DOT1L: variants seen among roughly 807,000 people sequenced by gnomAD.
DOT1L encodes histone-lysine N-methyltransferase, H3 lysine-79 specific.
In DOT1L, 33 loss-of-function variants were observed where a neutral mutation model predicts 153.3. That is an observed-to-expected ratio of 0.22 (90% CI 0.16 to 0.29). DOT1L has a LOEUF of 0.29. Ranked by LOEUF, DOT1L falls within the 10% of genes least tolerant of loss-of-function variation. DOT1L has a pLI of 1.00. For synonymous variants in DOT1L, 1,135 were observed against 965.1 expected (o/e 1.18, Z -3.26); for missense variants, 1,847 against 2,119.9 (o/e 0.87, Z 2.53).
chr19:2,230,890 C>T lies in DOT1L; in HGVS notation c.*1098C>T, dbSNP rs552038632. ...CCCACATCCCTTCCTGTCAGGGCCA[C>T]GCCTGGCACCCATCCCTTGGAGCCT... On this transcript the variant is annotated 3_prime_UTR_variant, in exon 28 of 28. Coordinates refer to ENST00000398665, the MANE Select transcript of DOT1L (RefSeq NM_032482.3). 432 of 313,112 alleles carry T rather than the reference C, an allele frequency of 1.4e-3. 2 individuals carry two copies. The highest frequency in any genetic ancestry group is 1.8e-3 in the Non-Finnish European group (306 of 172,004). 19.4% of individuals were successfully genotyped at this position (313,112 alleles called of 1,614,324 possible).
At chr19:2,225,580 T>G in intron 26 of DOT1L, 128 bp downstream of exon 26, 1 of 1,048,240 alleles carries the variant, frequency 9.5e-7, no homozygotes, top group Non-Finnish European at 1.5e-6. Flanking sequence ...CTGCGTCGTG[T>G]CCTGCGTGGT....
Position 2,220,028 on chromosome 19 carries a change from CAA to C in DOT1L, c.2692-79_2692-78del. The C allele has an allele frequency of 1.5e-6, 2 of 1,356,450 alleles. No homozygotes were observed. Among genetic ancestry groups the C allele is most frequent in the Non-Finnish European group, 2.0e-6 (2 of 983,070 alleles). The allele number at this position is 1,356,450 out of a possible 1,614,324, so 84.0% of individuals were successfully genotyped here. On this transcript the variant is annotated intron_variant, in intron 22 of 27. Coordinates refer to ENST00000398665, the MANE Select transcript of DOT1L (RefSeq NM_032482.3). The surrounding 1 kb of genome is among the most constrained non-coding windows in gnomAD (Gnocchi z 4.5). ...GCCTCCCCCAGCCAGCTGCAGGCCT[CAA>C]CACTCACTGTTTCCAGCTGGGTTCT... is the stretch of plus-strand genomic sequence containing the variant.
chr19:2,198,754 C>A (rs1398211892), intron 7 of DOT1L, among the ~76,000 whole-genome samples: 1 of 152,234 alleles, frequency 6.6e-6, no homozygotes, highest in Non-Finnish European at 1.5e-5. Context: ...AATCCCCTTC[C>A]TGTCTCTGGA....
Position 2,207,537 on chromosome 19 carries a change from C to A in DOT1L, c.857-37C>A. 1.3e-6 allele frequency: 2 copies of A among 1,571,928 alleles called. No homozygotes were observed. Among genetic ancestry groups the A allele is most frequent in the African/African-American group, 1.3e-5 (1 of 74,212 alleles). On this transcript the variant is annotated intron_variant, in intron 10 of 27. Transcript: ENST00000398665. This position sits in a 1 kb window ranked among gnomAD's most constrained non-coding sequence, Gnocchi z 4.5. Reference sequence around the variant, plus strand: ...GAGGTCTGCATGGAGGGGCTGTGGGCAGGCGCAGGCCCCGGCCTCACCTGT... The same window carrying A: ...GAGGTCTGCATGGAGGGGCTGTGGGAAGGCGCAGGCCCCGGCCTCACCTGT...
rs1011336802 is a variant in DOT1L, at chr19:2,208,922, T to C, written c.964-13T>C. ...GACTCCCTTCTAATCAGGGTTCTCTTTCTTCTTTTTAGCTTGAAAACTATT... is the reference window on the plus strand; with the variant it reads ...GACTCCCTTCTAATCAGGGTTCTCTCTCTTCTTTTTAGCTTGAAAACTATT... On this transcript the variant is annotated splice_polypyrimidine_tract_variant and intron_variant, in intron 11 of 27. Transcript: ENST00000398665. The surrounding 1 kb of genome is among the most constrained non-coding windows in gnomAD (Gnocchi z 4.4). 3.7e-6 allele frequency: 6 copies of C among 1,611,494 alleles called. No homozygotes were observed. Among genetic ancestry groups the C allele is most frequent in the Non-Finnish European group, 5.1e-6 (6 of 1,179,342 alleles).
chr19:2,164,910 C>G (rs372849647), intron 1 of DOT1L, among the ~76,000 whole-genome samples: 60 of 152,302 alleles, frequency 3.9e-4, no homozygotes, highest in African/African-American at 1.4e-3. Context: ...CTTTATTTAT[C>G]CTTGGAAATT....
intron 1 of DOT1L, among the ~76,000 whole-genome samples, chr19:2,171,751 C>T (rs545066203): frequency 2.2e-4 from 34 of 152,328 alleles, no homozygotes; most frequent in African/African-American, 7.7e-4. Context: ...CGTGCAGTCC[C>T]CGCCCACTGT....
At chr19:2,203,376 A>T (rs2023370189) in intron 9 of DOT1L, among the ~76,000 whole-genome samples, 1 of 152,190 alleles carries the variant, frequency 6.6e-6, no homozygotes, top group African/African-American at 2.4e-5. Flanking sequence ...TTTTGAGATT[A>T]CAGGCGTGAG....
chr19:2,172,380 G>A (rs1340124374), intron 1 of DOT1L, among the ~76,000 whole-genome samples: 1 of 151,672 alleles, frequency 6.6e-6, no homozygotes, highest in Admixed American at 6.6e-5. Flanking sequence ...TAGCAGAGAT[G>A]GGGTTTCACC....
In DOT1L at chr19:2,208,789, G is replaced by C; in HGVS notation, c.964-146G>C. The C allele has an allele frequency of 1.3e-6, 1 of 785,026 alleles. No individual in the cohort carries two copies. The highest frequency in any genetic ancestry group is 2.1e-6 in the Non-Finnish European group (1 of 480,974). The allele number at this position is 785,026 out of a possible 1,614,324, so 48.6% of individuals were successfully genotyped here. A position where few individuals can be genotyped will look rare whatever the true frequency, so the allele number is the denominator to read the frequency against. ...GTCACATCCGCGTTTGCCACTGGGGGGCTCTAGCTGCATGCCTGCTGTCCC... is the reference window on the plus strand; with the variant it reads ...GTCACATCCGCGTTTGCCACTGGGGCGCTCTAGCTGCATGCCTGCTGTCCC... On this transcript the variant is annotated intron_variant, in intron 11 of 27. Transcript: ENST00000398665. This position sits in a 1 kb window ranked among gnomAD's most constrained non-coding sequence, Gnocchi z 4.4.
Position 2,211,170 on chromosome 19 carries a change from C to T in DOT1L, c.1423C>T (p.Leu475=), listed in dbSNP as rs2023700735. ...CGTGCAGCGGCACTCCCCCAACCCG[C>T]TGCTGGTGGCGCCCACCCCGCCCGC... ...PSVQRHSPNP[L]LVAPTPPALQ... Residue 475 remains leucine, a synonymous_variant, in exon 15 of 28, where the codon CTG becomes TTG. Transcript: ENST00000398665. The T allele has an allele frequency of 1.2e-6, 2 of 1,612,274 alleles. No individual in the cohort carries two copies. The highest frequency in any genetic ancestry group is 1.6e-4 in the Middle Eastern group (1 of 6,080).
At chr19:2,182,583 A>G (rs1446361668) in intron 2 of DOT1L, among the ~76,000 whole-genome samples, 1 of 151,922 alleles carries the variant, frequency 6.6e-6, no homozygotes, top group African/African-American at 2.4e-5. Context: ...CGGGGCTGTG[A>G]CTGTGCAGGT....
chr19:2,187,634 A>C (rs2022575143), intron 3 of DOT1L, among the ~76,000 whole-genome samples: 1 of 151,918 alleles, frequency 6.6e-6, no homozygotes, highest in Non-Finnish European at 1.5e-5. Context: ...AGAAGTGGAA[A>C]CACAGGGGCT....
In DOT1L at chr19:2,196,542, A is replaced by G. The variant is rs543199964; in HGVS notation, c.651+1965A>G. On this transcript the variant is annotated intron_variant, in intron 7 of 27. Transcript: ENST00000398665. ...GGGATGGAGTTTCACCATGTTGGTC[A>G]GGCGGGTCTCAAATTCCTGACCTCG... 4.6e-5 allele frequency among the ~76,000 whole-genome samples: 7 copies of G among 152,276 alleles called. No homozygotes were observed. The East Asian group carries it at 9.6e-4, about 21-fold the overall frequency.
rs1439262224 is a variant in DOT1L at position 2,190,247 on chromosome 19, C to T, written c.264+452C>T. On this transcript the variant is annotated intron_variant, in intron 4 of 27. Coordinates refer to ENST00000398665, the MANE Select transcript of DOT1L (RefSeq NM_032482.3). The surrounding 1 kb of genome is among the most constrained non-coding windows in gnomAD (Gnocchi z 4.8). ...TCCTGCTGTGTCTCGTGAGGCTTTC[C>T]TCACAGAGGACGGGGCACACAGTGA... 6.6e-6 allele frequency among the ~76,000 whole-genome samples: 1 copy of T among 152,198 alleles called. No individual in the cohort carries two copies. The highest frequency in any genetic ancestry group is 2.4e-5 in the African/African-American group (1 of 41,448).
intron 5 of DOT1L, among the ~76,000 whole-genome samples, chr19:2,192,316 G>A (rs1426464595): frequency 6.6e-6 from 1 of 152,204 alleles, no homozygotes; most frequent in Non-Finnish European, 1.5e-5. Flanking sequence ...AGCATAGCAA[G>A]ATCCCACTTC....
In DOT1L at chr19:2,208,375, C is replaced by T. The variant is rs910326691; in HGVS notation, c.964-560C>T. 6.6e-6 allele frequency among the ~76,000 whole-genome samples: 1 copy of T among 152,102 alleles called. No homozygotes were observed. The highest frequency in any genetic ancestry group is 1.5e-5 in the Non-Finnish European group (1 of 68,006). On this transcript the variant is annotated intron_variant, in intron 11 of 27. Coordinates refer to ENST00000398665, the MANE Select transcript of DOT1L (RefSeq NM_032482.3). The surrounding 1 kb of genome is among the most constrained non-coding windows in gnomAD (Gnocchi z 4.4). Reference sequence around the variant, plus strand: ...CACCCTCACTGTCCAGTGCTCGGAGCCTCCACTAGAGCCTGCCTGGGGAGC... The same window carrying T: ...CACCCTCACTGTCCAGTGCTCGGAGTCTCCACTAGAGCCTGCCTGGGGAGC...
At chr19:2,227,277 G>T in intron 27 of DOT1L, 150 bp downstream of exon 27, 1 of 1,005,244 alleles carries the variant, frequency 9.9e-7, no homozygotes, top group Non-Finnish European at 1.6e-6. Flanking sequence ...GCACGGTGGC[G>T]AACTCCAGTC....
At chr19:2,181,988 C>T (rs2022261703) in intron 2 of DOT1L, among the ~76,000 whole-genome samples, 1 of 152,030 alleles carries the variant, frequency 6.6e-6, no homozygotes, top group Non-Finnish European at 1.5e-5. Context: ...TTTGGAAGGC[C>T]AAGGCAGGGA....
Sources: allele counts gnomAD v4.1 joint callset (sites outside exome capture counted in the v4.1 genomes callset), GRCh38; gene constraint gnomAD v4.1.1; non-coding constraint Gnocchi (gnomAD v3.1); transcripts MANE v1.5; gene names NCBI Gene and HGNC (gene_info 2026-07-23, HGNC 2026-07-21).